PDSS2: variants seen among roughly 807,000 people sequenced by gnomAD.
The protein encoded by PDSS2 is decaprenyl diphosphate synthase subunit 2.
A neutral mutation model predicts 44.5 loss-of-function variants in PDSS2; 31 were observed. The ratio of observed to expected loss-of-function variants is 0.70; its 90% CI spans 0.52 to 0.94. The LOEUF is 0.94. PDSS2 is among the 40% of genes least tolerant of loss of function. PDSS2 has a pLI of 0.00. For missense variants in PDSS2, 452 were observed against 482.2 expected (o/e 0.94, Z 0.59); for synonymous variants, 157 against 180.3 (o/e 0.87, Z 1.03).
At chr6:107,182,928 G>T (rs1269047160) in intron 7 of PDSS2, among the ~76,000 whole-genome samples, 1 of 151,992 alleles carries the variant, frequency 6.6e-6, no homozygotes, top group East Asian at 1.9e-4. Flanking sequence ...TTTTGGACAG[G>T]GGCTGGTCAT....
At chr6:107,263,446 G>GA (rs779892021) in intron 3 of PDSS2, among the ~76,000 whole-genome samples, 1,506 of 130,170 alleles carry the variant, frequency 0.012, 17 homozygotes, top group Middle Eastern at 0.021. Context: ...GAGCAAGACT[G>GA]AAAAAAAAAA....
At chr6:107,250,534 C>T (rs1230698968) in intron 3 of PDSS2, among the ~76,000 whole-genome samples, 3 of 152,000 alleles carry the variant, frequency 2.0e-5, no homozygotes, top group Admixed American at 2.0e-4. Context: ...AAACAATAAA[C>T]CTATTTCCTT....
chr6:107,349,283 A>C (rs77550291), intron 1 of PDSS2, among the ~76,000 whole-genome samples: 2 of 152,090 alleles, frequency 1.3e-5, no homozygotes, highest in African/African-American at 4.8e-5. Flanking sequence ...ATACAAAAAA[A>C]TTAGCTGGGC....
intron 1 of PDSS2, among the ~76,000 whole-genome samples, chr6:107,408,566 A>G (rs1403542613): frequency 6.6e-6 from 1 of 152,148 alleles, no homozygotes; most frequent in Non-Finnish European, 1.5e-5. Flanking sequence ...AACAATCTCA[A>G]ATGCCTAAAG....
chr6:107,344,224 A>G (rs1157311687), intron 1 of PDSS2, among the ~76,000 whole-genome samples: 6 of 152,222 alleles, frequency 3.9e-5, no homozygotes, highest in Non-Finnish European at 1.5e-5. Context: ...ATTTGATGAC[A>G]GCAATATTAC....
At chr6:107,308,484 A>T (rs994317790) in intron 2 of PDSS2, among the ~76,000 whole-genome samples, 2 of 152,224 alleles carry the variant, frequency 1.3e-5, no homozygotes, top group Admixed American at 1.3e-4. Context: ...GAGGGCTCAT[A>T]GTTTAGTTGG....
chr6:107,190,271 T>C (rs1772327576), intron 7 of PDSS2, among the ~76,000 whole-genome samples: 1 of 152,150 alleles, frequency 6.6e-6, no homozygotes, highest in South Asian at 2.1e-4. Flanking sequence ...CCTCAAACTG[T>C]GTCAAACGCT....
intron 3 of PDSS2, among the ~76,000 whole-genome samples, chr6:107,261,617 C>G (rs1434422677): frequency 2.5e-5 from 3 of 118,914 alleles, no homozygotes; most frequent in African/African-American, 1.0e-4. Flanking sequence ...TTCACTCTTT[C>G]CCCTAGGCTG....
intron 3 of PDSS2, among the ~76,000 whole-genome samples, chr6:107,263,241 T>C (rs1482569017): frequency 2.6e-5 from 4 of 151,962 alleles, no homozygotes; most frequent in Admixed American, 1.3e-4. Flanking sequence ...TCACCTGAGG[T>C]CTGGAGTTCA....
At chr6:107,267,261 T>C (rs536969433) in intron 3 of PDSS2, among the ~76,000 whole-genome samples, 2 of 152,336 alleles carry the variant, frequency 1.3e-5, no homozygotes, top group Non-Finnish European at 2.9e-5. Flanking sequence ...GTCTAATCCA[T>C]GAACGGCCAG....
At chr6:107,419,156 G>A (rs1242943656) in intron 1 of PDSS2, among the ~76,000 whole-genome samples, 4 of 152,076 alleles carry the variant, frequency 2.6e-5, no homozygotes, top group East Asian at 3.9e-4. Flanking sequence ...TGCAGCCAGC[G>A]TTGAGAACCA....
At chr6:107,159,274 A>T (rs1771026880) in intron 7 of PDSS2, among the ~76,000 whole-genome samples, 1 of 140,890 alleles carries the variant, frequency 7.1e-6, no homozygotes, top group South Asian at 2.6e-4. Context: ...GAGCAGTCTT[A>T]AGGGAAGGAA....
At chr6:107,322,380 A>G (rs549728865) in intron 2 of PDSS2, among the ~76,000 whole-genome samples, 1 of 152,196 alleles carries the variant, frequency 6.6e-6, no homozygotes, top group East Asian at 1.9e-4. Context: ...ATAGCCGGGC[A>G]TGAAGGCGCA....
At chr6:107,292,838 C>T (rs1389347794) in intron 2 of PDSS2, among the ~76,000 whole-genome samples, 1 of 152,082 alleles carries the variant, frequency 6.6e-6, no homozygotes, top group Non-Finnish European at 1.5e-5. Flanking sequence ...CTCTTATCTG[C>T]CAGAGGAGCA....
chr6:107,272,730 C>A (rs1450018343), intron 3 of PDSS2, among the ~76,000 whole-genome samples: 1 of 151,848 alleles, frequency 6.6e-6, no homozygotes, highest in Non-Finnish European at 1.5e-5. Flanking sequence ...ATGCCTTAAT[C>A]CCAGCACTTT....
rs187600675 is a variant in PDSS2, at chr6:107,420,056, T to C, written c.296+38934A>G. On this transcript the variant is annotated intron_variant, in intron 1 of 7. Transcript: ENST00000369037. The stretch of plus-strand genomic sequence containing the variant: ...ATGAAAACAACAACAGAATGGTCCT[T>C]AAGAACTTACCTATCTACTCTTCTG... Among the ~76,000 whole-genome samples, 470 of 152,326 alleles carry C rather than the reference T, an allele frequency of 3.1e-3. 3 individuals are homozygous for C. Among genetic ancestry groups the C allele is most frequent in the African/African-American group, 9.3e-3 (388 of 41,568 alleles).
chr6:107,440,423 A>C (rs1781480254), intron 1 of PDSS2, among the ~76,000 whole-genome samples: 1 of 152,226 alleles, frequency 6.6e-6, no homozygotes, highest in Admixed American at 6.5e-5. Context: ...CAGCAGGCTC[A>C]CACAATGGTG....
At chr6:107,208,609 CTTT>C (rs74772386) in intron 6 of PDSS2, among the ~76,000 whole-genome samples, 3 of 132,150 alleles carry the variant, frequency 2.3e-5, no homozygotes, top group African/African-American at 5.4e-5. Context: ...TGGCCTGTGA[CTTT>C]TTTTTTTTTT....
At chr6:107,422,130 A>G (rs1780846444) in intron 1 of PDSS2, among the ~76,000 whole-genome samples, 1 of 151,766 alleles carries the variant, frequency 6.6e-6, no homozygotes, top group South Asian at 2.1e-4. Context: ...AAAGACCCTT[A>G]ATATATGAAG....
Sources: gnomAD v4.1 joint callset for allele counts (sites outside exome capture counted in the v4.1 genomes callset) on GRCh38, gnomAD v4.1.1 for gene constraint, MANE v1.5 for transcripts, NCBI Gene and HGNC (gene_info 2026-07-23, HGNC 2026-07-21) for gene names.